Variants in USP16 observed in about 807,000 individuals in gnomAD.
The protein encoded by USP16 is ubiquitin specific peptidase 16.
USP16 carries 77 observed loss-of-function variants against 95.9 expected under a neutral mutation model. That is an observed-to-expected ratio of 0.80 (90% confidence interval 0.67 to 0.97). USP16 has a LOEUF of 0.97. Among genes scored for constraint, USP16 ranks in the 50% least tolerant of loss-of-function variants. The pLI is 0.00. For synonymous variants in USP16, 303 were observed against 318.2 expected (o/e 0.95, Z 0.51); for missense variants, 943 against 959.9 (o/e 0.98, Z 0.23).
chr21:29,030,360 G>A (rs542658841), intron 2 of USP16, among the ~76,000 whole-genome samples: 1 of 152,250 alleles, frequency 6.6e-6, no homozygotes, highest in Admixed American at 6.5e-5. Context: ...GGGGGACAGT[G>A]GTGGTTATAT....
chr21:29,028,734 C>A (rs2085032151), intron 2 of USP16, among the ~76,000 whole-genome samples: 1 of 152,216 alleles, frequency 6.6e-6, no homozygotes. Context: ...CGCGCCCGAC[C>A]TTCAACAACA....
At chr21:29,051,833 A>G (rs1244388550) in intron 16 of USP16, among the ~76,000 whole-genome samples, 1 of 152,124 alleles carries the variant, frequency 6.6e-6, no homozygotes, top group Non-Finnish European at 1.5e-5. Context: ...CTCCCTCAAA[A>G]AAAAAAAAAA....
In USP16 at chr21:29,027,949, A is replaced by G. The variant is rs1183656204; in HGVS notation, c.36A>G (p.Pro12=). 4 of 1,613,436 alleles carry G rather than the reference A, an allele frequency of 2.5e-6. No individual in the cohort carries two copies. Among genetic ancestry groups the G allele is most frequent in the African/African-American group, 1.3e-5 (1 of 74,916 alleles). ...AACGGACAAAGGGAAAAACTGTTCCAATCGATGATTCCTCTGAAACTTTAG... is the reference window on the plus strand; with the variant it reads ...AACGGACAAAGGGAAAAACTGTTCCGATCGATGATTCCTCTGAAACTTTAG... The part of the protein sequence containing the change: ...GKKRTKGKTV[P]IDDSSETLEP... Residue 12 remains proline, a synonymous_variant, in exon 2 of 18, where the codon CCA becomes CCG. Coordinates refer to ENST00000399976, the MANE Select transcript of USP16 (RefSeq NM_006447.3).
rs974531261 is a variant in USP16 at position 29,047,067 on chromosome 21, A to C, written c.1757A>C (p.His586Pro). The change falls in exon 14 of 18, where the codon CAT (histidine) becomes CCT (proline). Residue 586 changes from histidine to proline, a missense_variant. By Grantham distance (77) the His-to-Pro change is moderately conservative (BLOSUM62 -2). Transcript: ENST00000399976. Reference sequence around the variant, plus strand: ...AACCTAAATTTGAATGCTGCTCTTCATCCTGATGAAATAAATATAGAGATT... The same window carrying C: ...AACCTAAATTTGAATGCTGCTCTTCCTCCTGATGAAATAAATATAGAGATT... Reference protein sequence around the residue: ...FKNLNLNAALHPDEINIEILN... With the variant: ...FKNLNLNAALPPDEINIEILN... The C allele has an allele frequency of 5.0e-6, 8 of 1,614,118 alleles. No homozygotes were observed. The highest frequency in any genetic ancestry group is 6.8e-6 in the Non-Finnish European group (8 of 1,180,022).
At chr21:29,043,990 T>C (rs1006155165) in intron 13 of USP16, among the ~76,000 whole-genome samples, 2 of 151,894 alleles carry the variant, frequency 1.3e-5, no homozygotes, top group African/African-American at 2.4e-5. Context: ...CAGAGTGCAG[T>C]GGCACGATCT....
At position 29,053,932 on chromosome 21, in the gene USP16, T is replaced by C; in HGVS notation, c.2324T>C (p.Leu775Pro). The stretch of plus-strand genomic sequence containing the variant: ...ACCGCAAATAGTCATCTCTCTAATC[T>C]TGTTCTTCACGGTGATATTCCACAA... ...ARTANSHLSN[L>P]VLHGDIPQDF... The change falls in exon 17 of 18, where the codon CTT becomes CCT. Residue 775 changes from leucine to proline, a missense_variant. Transcript: ENST00000399976. 3.1e-6 allele frequency: 5 copies of C among 1,614,238 alleles called. No individual in the cohort carries two copies. The highest frequency in any genetic ancestry group is 3.4e-6 in the Non-Finnish European group (4 of 1,180,040).
Position 29,048,751 on chromosome 21 carries a change from T to G in USP16, c.2012-10T>G, listed in dbSNP as rs781462691. The G allele has an allele frequency of 6.2e-7, 1 of 1,609,734 alleles. No homozygotes were observed. The highest frequency in any genetic ancestry group is 2.2e-5 in the East Asian group (1 of 44,788). On this transcript the variant is annotated splice_polypyrimidine_tract_variant and intron_variant, in intron 14 of 17. Transcript: ENST00000399976. The stretch of plus-strand genomic sequence containing the variant: ...TTTTCTCCCTGTTAAAAATTTCTTC[T>G]TTTCTTTAGGTGAAAGGAAGCATGT...
chr21:29,040,738 C>G, intron 10 of USP16, 51 bp downstream of exon 10: 1 of 985,992 alleles, frequency 1.0e-6, no homozygotes, highest in Non-Finnish European at 1.5e-6. Flanking sequence ...TCCTCTGTAC[C>G]TTAGGACAAG....
intron 2 of USP16, among the ~76,000 whole-genome samples, chr21:29,029,001 A>C (rs1266687827): frequency 6.6e-6 from 1 of 152,348 alleles, no homozygotes; most frequent in Admixed American, 6.5e-5. Context: ...TGCCATCCAG[A>C]AATGTTTTAC....
chr21:29,046,718 A>G lies in USP16; in HGVS notation c.1408A>G (p.Ile470Val), dbSNP rs146351448. The change falls in exon 14 of 18, where the codon ATT (isoleucine) becomes GTT (valine). Residue 470 changes from isoleucine (I) to valine (V), a missense_variant. Ile to Val is a conservative substitution (Grantham distance 29). Transcript: ENST00000399976. ...AGGAAAAGTTCTTCATTTAAATGAT[A>G]TTTGTACTATTGACCATCCTGAAGA... ...IQGKVLHLND[I>V]CTIDHPEDSE... The G allele has an allele frequency of 2.1e-4, 335 of 1,613,606 alleles. 1 individual carries two copies. The African/African-American group carries it at 3.5e-3, about 17-fold the overall frequency.
At chr21:29,025,009 GT>G (rs1250737777) in intron 1 of USP16, 1 of 338,482 alleles carries the variant, frequency 3.0e-6, no homozygotes, top group African/African-American at 2.2e-5. Flanking sequence ...GGACCCAGAG[GT>G]TCCCCCGTGG....
chr21:29,046,571 T>C, intron 13 of USP16, 96 bp from the exon 14 acceptor site: 1 of 1,243,816 alleles, frequency 8.0e-7, no homozygotes, highest in Admixed American at 2.6e-5. Flanking sequence ...ATATAGTACA[T>C]GTGTGTGTTT....
At chr21:29,045,035 T>C (rs992916979) in intron 13 of USP16, among the ~76,000 whole-genome samples, 1 of 152,226 alleles carries the variant, frequency 6.6e-6, no homozygotes, top group African/African-American at 2.4e-5. Flanking sequence ...TTGATTGGTA[T>C]GTTAGATGGA....
At chr21:29,032,764 T>G (rs1424714980) in intron 3 of USP16, among the ~76,000 whole-genome samples, 1 of 152,236 alleles carries the variant, frequency 6.6e-6, no homozygotes, top group Non-Finnish European at 1.5e-5. Flanking sequence ...AGATTTCATT[T>G]CTCTAGGATA....
Position 29,036,329 on chromosome 21 carries a change from G to A in USP16, c.403G>A (p.Val135Ile). ...YCSSNQLGQV[V>I]DYVRKQASIT... The stretch of plus-strand genomic sequence containing the variant: ...TAGTTCAAACCAGTTGGGTCAAGTG[G>A]TTGATTATGTCAGAAAACAAGCCAG... The change falls in exon 5 of 18, where the codon GTT becomes ATT. Residue 135 changes from valine to isoleucine, a missense_variant. Transcript: ENST00000399976. 3 of 1,613,890 alleles carry A rather than the reference G, an allele frequency of 1.9e-6. No individual in the cohort carries two copies. Among genetic ancestry groups the A allele is most frequent in the Non-Finnish European group, 2.5e-6 (3 of 1,179,886 alleles).
At chr21:29,048,178 G>A (rs1200098147) in intron 14 of USP16, among the ~76,000 whole-genome samples, 1 of 151,270 alleles carries the variant, frequency 6.6e-6, no homozygotes, top group Non-Finnish European at 1.5e-5. Flanking sequence ...CACCTCCCGG[G>A]TTCAAGAGAT....
At chr21:29,034,348 G>A (rs938935262) in intron 3 of USP16, among the ~76,000 whole-genome samples, 10 of 143,732 alleles carry the variant, frequency 7.0e-5, no homozygotes, top group Non-Finnish European at 1.2e-4. Context: ...TGCTCTTGTT[G>A]CCCAGGCTAG....
At chr21:29,039,768 C>T (rs2085217144) in intron 9 of USP16, among the ~76,000 whole-genome samples, 200 bp downstream of exon 9, 1 of 152,188 alleles carries the variant, frequency 6.6e-6, no homozygotes, top group African/African-American at 2.4e-5. Flanking sequence ...TTCTCTTTCT[C>T]ATGATGGCTT....
chr21:29,025,225 G>A (rs1441458075), intron 1 of USP16, among the ~76,000 whole-genome samples: 11 of 152,174 alleles, frequency 7.2e-5, no homozygotes, highest in African/African-American at 2.7e-4. Flanking sequence ...TGAAAGCCAC[G>A]TTAACACCTG....
Sources: allele counts gnomAD v4.1 joint callset (sites outside exome capture counted in the v4.1 genomes callset), GRCh38; gene constraint gnomAD v4.1.1; transcripts MANE v1.5; gene names NCBI Gene and HGNC (gene_info 2026-07-23, HGNC 2026-07-21).